TEX9: variants seen among roughly 807,000 people sequenced by gnomAD.
The protein encoded by TEX9 is testis-expressed protein 9.
Under a neutral mutation model 59.6 loss-of-function variants are expected in TEX9, and 74 were observed. The observed-to-expected ratio is 1.24, with a 90% CI of 1.03 to 1.51. The LOEUF (loss-of-function observed/expected upper bound fraction) is 1.51, where lower values mean the gene tolerates loss of function less well. TEX9 is among the 40% of genes most tolerant of loss of function. The pLI, the probability that TEX9 is intolerant of heterozygous loss-of-function variation, is 0.00. For missense variants in TEX9, 522 were observed against 447.8 expected (o/e 1.17, Z -1.49); for synonymous variants, 186 against 152.2 (o/e 1.22, Z -1.64).
intron 7 of TEX9, chr15:56,393,653 T>G (rs2048318885): frequency 6.6e-6 from 1 of 152,248 alleles, no homozygotes; most frequent in Non-Finnish European, 1.5e-5. Flanking sequence ...GGCAGTAAAG[T>G]ACCAAAGATA....
chr15:56,424,121 C>G (rs2050128740), intron 10 of TEX9, among the ~76,000 whole-genome samples: 1 of 152,100 alleles, frequency 6.6e-6, no homozygotes, highest in South Asian at 2.1e-4. Context: ...AGTCTTTTCT[C>G]CAAGTCTGTC....
chr15:56,258,955 C>CAT (rs59918564), intron 1 of TEX9, among the ~76,000 whole-genome samples: 4,703 of 149,816 alleles, frequency 0.031, 224 homozygotes, highest in African/African-American at 0.11. Flanking sequence ...ATATATAATA[C>CAT]ATATATATAT....
chr15:56,380,455 A>G lies in TEX9; in HGVS notation c.184-3497A>G, dbSNP rs1215417163. ...TCTACTTTAGAGTAGTTTACACTCA[A>G]TTACAGTGTTATAATATTCTGTGTT... On this transcript the variant is annotated intron_variant, in intron 3 of 12. Transcript: ENST00000352903. 2.6e-5 allele frequency among the ~76,000 whole-genome samples: 4 copies of G among 152,150 alleles called. No homozygotes were observed. In the East Asian group the frequency reaches 7.7e-4, roughly 29 times the overall value.
At chr15:56,312,224 C>G (rs1461739456) in intron 1 of TEX9, among the ~76,000 whole-genome samples, 18 of 144,646 alleles carry the variant, frequency 1.2e-4, no homozygotes, top group Non-Finnish European at 2.5e-4. Context: ...TTGCCCATGC[C>G]TATGTCCTGA....
At chr15:56,447,148 C>G, downstream of TEX9, 5 of 473,578 alleles carry the variant, frequency 1.1e-5, no homozygotes, top group South Asian at 1.2e-4. Flanking sequence ...AAAAGTACTG[C>G]TCTGTTCTAT....
In TEX9 at chr15:56,372,954, C is replaced by G. The variant is rs138599568; in HGVS notation, c.120-487C>G. Among the ~76,000 whole-genome samples, 93 of 152,164 alleles carry G rather than the reference C, an allele frequency of 6.1e-4. 1 individual carries two copies. The highest frequency in any genetic ancestry group is 3.4e-3 in the Middle Eastern group (1 of 294). The stretch of plus-strand genomic sequence containing the variant: ...TTAAAGTATGTATCTGAGGTGTGAG[C>G]CACGTTGGGTCTGCTCACTAAACCT... On this transcript the variant is annotated intron_variant, in intron 2 of 12. Transcript: ENST00000352903.
At chr15:56,261,799 G>T (rs1250531794) in intron 1 of TEX9, among the ~76,000 whole-genome samples, 1 of 152,118 alleles carries the variant, frequency 6.6e-6, no homozygotes, top group Non-Finnish European at 1.5e-5. Flanking sequence ...AAGGATATAG[G>T]AATAGTAGAT....
downstream of TEX9, chr15:56,447,449 TG>T (rs2050914941): frequency 6.6e-6 from 1 of 151,826 alleles, no homozygotes; most frequent in African/African-American, 2.4e-5. Context: ...TCTAATTATT[TG>T]GTTTTTTAAA....
At chr15:56,423,491 CTG>C (rs2050085334) in intron 10 of TEX9, among the ~76,000 whole-genome samples, 1 of 152,098 alleles carries the variant, frequency 6.6e-6, no homozygotes, top group Non-Finnish European at 1.5e-5. Flanking sequence ...CTTGAGAAAA[CTG>C]TATTCTCTTA....
At chr15:56,300,950 G>A (rs537563903) in intron 1 of TEX9, among the ~76,000 whole-genome samples, 3 of 152,254 alleles carry the variant, frequency 2.0e-5, no homozygotes, top group Admixed American at 1.3e-4. Flanking sequence ...CCCAGACACT[G>A]AAGAATATCA....
chr15:56,460,009 A>AAAAAAAAATATAAAAATATAAATAAAT, the TEX9 span, among the ~76,000 whole-genome samples: 1 of 26,406 alleles, frequency 3.8e-5, no homozygotes, highest in Non-Finnish European at 7.0e-5. Context: ...AAAAAAAAAA[A>AAAAAAAAATATAAAAATATAAATAAAT]ATACATATAT....
At chr15:56,394,605 T>C in intron 8 of TEX9, 56 bp from the exon 9 acceptor site, 1 of 1,298,724 alleles carries the variant, frequency 7.7e-7, no homozygotes, top group South Asian at 1.4e-5. Flanking sequence ...TTCTGCTTTG[T>C]TTTGATAACA....
chr15:56,424,792 A>C (rs1213541000), intron 10 of TEX9, among the ~76,000 whole-genome samples: 1 of 152,184 alleles, frequency 6.6e-6, no homozygotes, highest in Non-Finnish European at 1.5e-5. Flanking sequence ...TTGTCAACCA[A>C]AATTAAAATA....
At chr15:56,309,724 T>TTTTTTTC (rs2045566144) in intron 1 of TEX9, among the ~76,000 whole-genome samples, 1 of 100,690 alleles carries the variant, frequency 9.9e-6, no homozygotes, top group Non-Finnish European at 2.0e-5. Context: ...TTTTTTTTTT[T>TTTTTTTC]AAAGCAGTGA....
At chr15:56,348,175 C>T (rs1041172083) in intron 1 of TEX9, among the ~76,000 whole-genome samples, 10 of 151,994 alleles carry the variant, frequency 6.6e-5, no homozygotes, top group African/African-American at 2.4e-4. Flanking sequence ...TCTTACAACT[C>T]AATGTGAATA....
chr15:56,435,277 C>T (rs2050701854), intron 12 of TEX9, among the ~76,000 whole-genome samples: 1 of 151,696 alleles, frequency 6.6e-6, no homozygotes, highest in Non-Finnish European at 1.5e-5. Context: ...ATAAAAAGAA[C>T]TGTAAAGTAA....
At chr15:56,346,971 A>G (rs1165256738) in intron 1 of TEX9, among the ~76,000 whole-genome samples, 2 of 152,182 alleles carry the variant, frequency 1.3e-5, no homozygotes, top group African/African-American at 4.8e-5. Flanking sequence ...ATATGATACC[A>G]TTTACAATCT....
intron 1 of TEX9, among the ~76,000 whole-genome samples, chr15:56,354,662 T>C (rs2046652172): frequency 6.6e-6 from 1 of 152,186 alleles, no homozygotes; most frequent in Admixed American, 6.6e-5. Flanking sequence ...ATATCTGAAG[T>C]CAGAGGCATC....
intron 12 of TEX9, chr15:56,431,317 GT>G (rs555590139): frequency 5.3e-5 from 84 of 1,576,974 alleles, no homozygotes; most frequent in Non-Finnish European, 6.5e-5. Context: ...CAAATACCAT[GT>G]TTTTTTCACT....
Sources: gnomAD v4.1 joint callset for allele counts (sites outside exome capture counted in the v4.1 genomes callset) on GRCh38, gnomAD v4.1.1 for gene constraint, MANE v1.5 for transcripts, NCBI Gene and HGNC (gene_info 2026-07-23, HGNC 2026-07-21) for gene names.